Variants in SUGCT observed in about 807,000 individuals in gnomAD.
SUGCT encodes succinyl-CoA:glutarate-CoA transferase.
Under a neutral mutation model 55.0 loss-of-function variants are expected in SUGCT, and 41 were observed. That is an observed-to-expected ratio of 0.74 (90% confidence interval 0.58 to 0.97). The LOEUF is 0.97. SUGCT is among the 50% of genes least tolerant of loss of function. The probability of loss-of-function intolerance (pLI) is 0.00; values close to 1 mark genes in which losing one functional copy is unlikely to be tolerated. For missense variants in SUGCT, 568 were observed against 547.8 expected (o/e 1.04, Z -0.37); for synonymous variants, 187 against 200.4 (o/e 0.93, Z 0.56).
At chr7:40,921,121 A>T in the SUGCT span, among the ~76,000 whole-genome samples, 3 of 152,210 alleles carry the variant, frequency 2.0e-5, no homozygotes, top group Non-Finnish European at 2.9e-5. Context: ...TGCTCTAGGG[A>T]TACAGATGGA....
Position 40,282,704 on chromosome 7 carries a change from T to C in SUGCT, c.720+8048T>C, listed in dbSNP as rs151262211. Among the ~76,000 whole-genome samples, 744 of 151,488 alleles carry C rather than the reference T, an allele frequency of 4.9e-3. 4 individuals are homozygous for C. The highest frequency in any genetic ancestry group is 0.017 in the African/African-American group (719 of 41,262). ...GGCCACTATAATGAGACCCTGTCTA[T>C]ACAAAAAAATACAAAAATTACCCGG... On this transcript the variant is annotated intron_variant, in intron 8 of 13. Coordinates refer to ENST00000335693, the MANE Select transcript of SUGCT (RefSeq NM_001193313.2).
At chr7:40,552,620 A>G (rs1795357427) in intron 12 of SUGCT, among the ~76,000 whole-genome samples, 1 of 152,170 alleles carries the variant, frequency 6.6e-6, no homozygotes, top group Non-Finnish European at 1.5e-5. Flanking sequence ...GGATACATAA[A>G]TGATAACCTA....
At chr7:40,696,641 T>C (rs1168796979) in intron 12 of SUGCT, among the ~76,000 whole-genome samples, 1 of 152,190 alleles carries the variant, frequency 6.6e-6, no homozygotes, top group East Asian at 1.9e-4. Flanking sequence ...TAGGAATGTT[T>C]GAGAATGTTA....
At chr7:41,026,249 G>T in the SUGCT span, among the ~76,000 whole-genome samples, 1 of 152,164 alleles carries the variant, frequency 6.6e-6, no homozygotes, top group Non-Finnish European at 1.5e-5. Context: ...GGCAACCACC[G>T]AATGGTGATG....
chr7:40,215,020 C>T (rs1202405533), intron 6 of SUGCT, among the ~76,000 whole-genome samples: 1 of 152,102 alleles, frequency 6.6e-6, no homozygotes, highest in Non-Finnish European at 1.5e-5. Flanking sequence ...TAGGCATTCC[C>T]TCTATGGAGA....
the SUGCT span, among the ~76,000 whole-genome samples, chr7:40,883,107 T>C: frequency 1.3e-5 from 2 of 152,228 alleles, no homozygotes; most frequent in African/African-American, 4.8e-5. Context: ...GAACTTGGTG[T>C]TCCCAACTTA....
chr7:40,950,284 T>C, the SUGCT span, among the ~76,000 whole-genome samples: 13 of 152,208 alleles, frequency 8.5e-5, no homozygotes, highest in Non-Finnish European at 1.6e-4. Context: ...TAAGAATGCT[T>C]GTGATTTTTG....
intron 9 of SUGCT, among the ~76,000 whole-genome samples, chr7:40,342,302 C>T (rs1410971174): frequency 6.6e-6 from 1 of 152,176 alleles, no homozygotes; most frequent in East Asian, 1.9e-4. Context: ...TCAGAAACCT[C>T]TTTCTTATGG....
chr7:40,581,896 A>G (rs1039857157), intron 12 of SUGCT, among the ~76,000 whole-genome samples: 1 of 152,206 alleles, frequency 6.6e-6, no homozygotes, highest in Non-Finnish European at 1.5e-5. Flanking sequence ...AATTAAATAG[A>G]AGAGACTATT....
chr7:40,644,724 G>A lies in SUGCT; in HGVS notation c.1090-104710G>A, dbSNP rs116247727. On this transcript the variant is annotated intron_variant, in intron 12 of 13. Coordinates refer to ENST00000335693, the MANE Select transcript of SUGCT (RefSeq NM_001193313.2). ...CTATTAGGGAGTTTGGCAGCTCCTC[G>A]AATTCCGTGTGCAGGAGGAAGCTCC... is the stretch of plus-strand genomic sequence containing the variant. 9.7e-3 allele frequency among the ~76,000 whole-genome samples: 1,478 copies of A among 152,208 alleles called. 30 individuals are homozygous for A. The highest frequency in any genetic ancestry group is 0.033 in the African/African-American group (1,364 of 41,508).
At chr7:40,258,329 A>G (rs1246286364) in intron 7 of SUGCT, among the ~76,000 whole-genome samples, 1 of 152,216 alleles carries the variant, frequency 6.6e-6, no homozygotes, top group Non-Finnish European at 1.5e-5. Context: ...AACGTTAGAC[A>G]GATTCTCTAA....
rs919753278 is a variant in SUGCT at position 40,482,378 on chromosome 7, A to G, written c.987-13906A>G. 7.3e-5 allele frequency among the ~76,000 whole-genome samples: 8 copies of G among 110,186 alleles called. No individual in the cohort carries two copies. The East Asian group carries it at 1.2e-3, about 17-fold the overall frequency. 72.3% of individuals were successfully genotyped at this position (110,186 alleles called of 152,430 possible). On this transcript the variant is annotated intron_variant, in intron 11 of 13. Transcript: ENST00000335693. ...AGAATCATGGTATGGAGAAAAGAAT[A>G]AAAAGTAAACATCCACAATTTATAC...
At chr7:40,547,848 A>G (rs574061854) in intron 12 of SUGCT, among the ~76,000 whole-genome samples, 19 of 152,126 alleles carry the variant, frequency 1.2e-4, no homozygotes, top group Non-Finnish European at 2.2e-4. Flanking sequence ...TGCTTTATGG[A>G]TATTTTATAA....
At chr7:40,230,525 C>T (rs1163605234) in intron 6 of SUGCT, among the ~76,000 whole-genome samples, 3 of 152,094 alleles carry the variant, frequency 2.0e-5, no homozygotes, top group Non-Finnish European at 4.4e-5. Flanking sequence ...AGCAGGCTAT[C>T]GCAGGACATG....
the SUGCT span, among the ~76,000 whole-genome samples, chr7:40,971,913 T>G: frequency 6.6e-6 from 1 of 152,148 alleles, no homozygotes; most frequent in Non-Finnish European, 1.5e-5. Context: ...CAATTAATAT[T>G]TTTTTACATA....
intron 7 of SUGCT, among the ~76,000 whole-genome samples, chr7:40,246,762 A>AT (rs1169090411): frequency 3.3e-5 from 5 of 150,808 alleles, no homozygotes; most frequent in South Asian, 2.1e-4. Flanking sequence ...ATGCCTGGCT[A>AT]TTTTTTTTGT....
chr7:40,808,057 G>A (rs1030044486), intron 13 of SUGCT: 8 of 152,144 alleles, frequency 5.3e-5, no homozygotes, highest in East Asian at 1.9e-4. Context: ...TAGACACACC[G>A]AGGAACAATA....
At chr7:40,183,416 C>T (rs1364546647) in intron 3 of SUGCT, among the ~76,000 whole-genome samples, 2 of 152,174 alleles carry the variant, frequency 1.3e-5, no homozygotes, top group African/African-American at 4.8e-5. Flanking sequence ...CATAGCTCAC[C>T]ATAGCCTCCA....
intron 12 of SUGCT, among the ~76,000 whole-genome samples, chr7:40,676,894 CGT>C (rs3221667): frequency 0.34 from 48,896 of 143,750 alleles, 8,641 homozygotes; most frequent in East Asian, 0.64. Flanking sequence ...TTCAGAATGA[CGT>C]GTGTGTGTGT....
Sources: allele counts gnomAD v4.1 joint callset (sites outside exome capture counted in the v4.1 genomes callset), GRCh38; gene constraint gnomAD v4.1.1; transcripts MANE v1.5; gene names NCBI Gene and HGNC (gene_info 2026-07-23, HGNC 2026-07-21).